The following PACSIN2 variants were observed in gnomAD, a reference collection of about 807,000 sequenced individuals.
The protein encoded by PACSIN2 is protein kinase C and casein kinase substrate in neurons 2, also known as protein kinase C and casein kinase substrate in neurons protein 2.
PACSIN2 carries 25 observed loss-of-function variants against 63.8 expected under a neutral mutation model. The observed-to-expected ratio is 0.39, with a 90% CI of 0.29 to 0.55. PACSIN2 has a LOEUF of 0.55. Among genes scored for constraint, PACSIN2 ranks in the 20% least tolerant of loss-of-function variants. PACSIN2 has a pLI of 0.62. For synonymous variants in PACSIN2, 255 were observed against 256.2 expected, an observed-to-expected ratio of 1.00 and a Z score of 0.05; for missense variants, 518 against 646.9, an observed-to-expected ratio of 0.80 and a Z score of 2.16.
chr22:42,893,207 T>C (rs1930036868), intron 3 of PACSIN2, among the ~76,000 whole-genome samples: 2 of 152,236 alleles, frequency 1.3e-5, no homozygotes, highest in Non-Finnish European at 2.9e-5. Context: ...AAGTGTGTCC[T>C]ATGGATGACA....
chr22:42,924,356 G>A (rs989912685), intron 1 of PACSIN2, among the ~76,000 whole-genome samples: 1 of 152,166 alleles, frequency 6.6e-6, no homozygotes, highest in Non-Finnish European at 1.5e-5. Flanking sequence ...TTAAAAATTA[G>A]AACATATTAA....
chr22:42,954,326 C>T (rs1036553540), intron 1 of PACSIN2, among the ~76,000 whole-genome samples: 4 of 152,224 alleles, frequency 2.6e-5, no homozygotes, highest in Admixed American at 1.3e-4. Flanking sequence ...CCCATTGAGC[C>T]TCTAGTCTTG....
intron 2 of PACSIN2, among the ~76,000 whole-genome samples, chr22:42,895,766 C>T (rs1235677119): frequency 1.3e-5 from 2 of 152,216 alleles, no homozygotes; most frequent in African/African-American, 2.4e-5. Context: ...CTGCTGGGGA[C>T]AAGAGGCAAG....
intron 1 of PACSIN2, among the ~76,000 whole-genome samples, chr22:42,964,619 G>A (rs956568433): frequency 3.3e-5 from 5 of 152,170 alleles, no homozygotes; most frequent in African/African-American, 1.2e-4. Context: ...TGGGGTACCT[G>A]GCAGCCTGGC....
chr22:42,967,529 T>C (rs1352634647), intron 1 of PACSIN2, among the ~76,000 whole-genome samples: 1 of 152,204 alleles, frequency 6.6e-6, no homozygotes, highest in East Asian at 1.9e-4. Flanking sequence ...AACAGAATAA[T>C]TATACTGTTG....
At chr22:42,990,024 A>G (rs1174687709) in intron 1 of PACSIN2, among the ~76,000 whole-genome samples, 2 of 24,116 alleles carry the variant, frequency 8.3e-5, no homozygotes, top group African/African-American at 6.7e-4. Flanking sequence ...ATACACACAT[A>G]TGTATATATA....
chr22:43,009,863 C>CTTTTTTTTTTT (rs762256300), intron 1 of PACSIN2, among the ~76,000 whole-genome samples: 4 of 131,812 alleles, frequency 3.0e-5, no homozygotes, highest in Admixed American at 8.1e-5. Flanking sequence ...TTTATTTTTT[C>CTTTTTTTTTTT]TATTTTTTTT....
chr22:42,901,366 T>G (rs1930671438), intron 2 of PACSIN2, among the ~76,000 whole-genome samples: 1 of 152,212 alleles, frequency 6.6e-6, no homozygotes, highest in South Asian at 2.1e-4. Context: ...AGGGATTCCT[T>G]AATTCCAAGT....
chr22:42,957,613 A>G (rs1224475585), intron 1 of PACSIN2, among the ~76,000 whole-genome samples: 1 of 152,200 alleles, frequency 6.6e-6, no homozygotes, highest in Non-Finnish European at 1.5e-5. Flanking sequence ...TATAAATTAA[A>G]TCGTTTTCTC....
At chr22:42,909,553 GAGT>G (rs878973252) in intron 2 of PACSIN2, 4 of 471,200 alleles carry the variant, frequency 8.5e-6, no homozygotes, top group South Asian at 6.2e-5. Context: ...CAGCACTGCG[GAGT>G]TGATACCAGC....
chr22:42,884,397 G>A lies in PACSIN2; in HGVS notation c.774C>T (p.Ser258=), dbSNP rs1929315468. 1.2e-6 allele frequency: 2 copies of A among 1,612,754 alleles called. No homozygotes were observed. Among genetic ancestry groups the A allele is most frequent in the South Asian group, 1.1e-5 (1 of 90,860 alleles). The change falls in exon 6 of 11, where the codon TCC becomes TCT. Residue 258 remains serine (S), a synonymous_variant. Coordinates refer to ENST00000263246, the MANE Select transcript of PACSIN2 (RefSeq NM_001184970.3). ...LLEVQKHLDL[S]NVAGYKAIYH... is the part of the protein sequence containing the mutation. ...CAAAGGAAACTTACCCAGCCACATT[G>A]GACAGGTCTAGGTGCTTCTGAACCT...
intron 1 of PACSIN2, among the ~76,000 whole-genome samples, chr22:43,008,652 C>T (rs1924256108): frequency 6.6e-6 from 1 of 152,210 alleles, no homozygotes; most frequent in African/African-American, 2.4e-5. Context: ...AGGAATCTAG[C>T]CAGAAGGCCA....
chr22:43,013,634 T>C (rs1293998378), intron 1 of PACSIN2, among the ~76,000 whole-genome samples: 1 of 152,148 alleles, frequency 6.6e-6, no homozygotes, highest in East Asian at 1.9e-4. Flanking sequence ...GGCTCCAACC[T>C]GGCAATCCCA....
chr22:42,890,292 G>A (rs1198229381), intron 4 of PACSIN2, among the ~76,000 whole-genome samples: 2 of 152,144 alleles, frequency 1.3e-5, no homozygotes. Context: ...GAGCCACCGC[G>A]CCCGGCAAGG....
At position 43,008,938 on chromosome 22, in the gene PACSIN2, C is replaced by G. The variant is rs568783831; in HGVS notation, c.-78+6083G>C. On this transcript the variant is annotated intron_variant, in intron 1 of 10. Transcript: ENST00000263246. ...TAAGTCTGCTCAAAACACTCAAGCC[C>G]TACAAACTGTCCCTATGAAAAATGT... Among the ~76,000 whole-genome samples, 11 of 152,310 alleles carry G rather than the reference C, an allele frequency of 7.2e-5. No individual in the cohort carries two copies. In the South Asian group the frequency reaches 2.1e-3, roughly 29 times the overall value.
At chr22:42,925,188 G>A (rs1932458276) in intron 1 of PACSIN2, among the ~76,000 whole-genome samples, 1 of 151,838 alleles carries the variant, frequency 6.6e-6, no homozygotes, top group Non-Finnish European at 1.5e-5. Flanking sequence ...CCTCTAGAAA[G>A]TCAGCTCTAG....
At chr22:42,882,076 G>C (rs1488232678) in intron 7 of PACSIN2, 108 bp downstream of exon 7, 9 of 1,327,240 alleles carry the variant, frequency 6.8e-6, no homozygotes, top group Non-Finnish European at 8.6e-6. Context: ...CTGATAAACA[G>C]GGCAAACACT....
chr22:42,999,790 T>C (rs1376090226), intron 1 of PACSIN2, among the ~76,000 whole-genome samples: 1 of 152,156 alleles, frequency 6.6e-6, no homozygotes, highest in Non-Finnish European at 1.5e-5. Flanking sequence ...CACCAGTGCT[T>C]TGAAGAGAGA....
chr22:42,878,615 G>A (rs931727184), intron 8 of PACSIN2, among the ~76,000 whole-genome samples: 3 of 152,132 alleles, frequency 2.0e-5, no homozygotes, highest in African/African-American at 4.8e-5. Flanking sequence ...TCCCTCCCTC[G>A]ACTGGCGCCT....
Sources: gnomAD v4.1 joint callset for allele counts (sites outside exome capture counted in the v4.1 genomes callset) on GRCh38, gnomAD v4.1.1 for gene constraint, MANE v1.5 for transcripts, NCBI Gene and HGNC (gene_info 2026-07-23, HGNC 2026-07-21) for gene names.